COMMD10: variants seen among roughly 807,000 people sequenced by gnomAD.
COMMD10 encodes the protein COMM domain-containing protein 10.
A neutral mutation model predicts 28.9 loss-of-function variants in COMMD10; 33 were observed. That is an observed-to-expected ratio of 1.14 (90% CI 0.87 to 1.53). The LOEUF (loss-of-function observed/expected upper bound fraction) is 1.53, where lower values mean the gene tolerates loss of function less well. COMMD10 is among the 40% of genes most tolerant of loss of function. The pLI is 0.00. For synonymous variants in COMMD10, 110 were observed against 81.7 expected, an observed-to-expected ratio of 1.35 and a Z score of -1.87; for missense variants, 310 against 233.4, an observed-to-expected ratio of 1.33 and a Z score of -2.14.
rs1029523102 is a variant in COMMD10, at chr5:116,293,096, G to A, written c.*607G>A. Reference sequence around the variant, plus strand: ...AGTTTAATGATTTAATAATAGTCCAGGTTTTTGTGTGTTTTTCTTTATACT... The same window carrying A: ...AGTTTAATGATTTAATAATAGTCCAAGTTTTTGTGTGTTTTTCTTTATACT... On this transcript the variant is annotated 3_prime_UTR_variant, in exon 7 of 7. Coordinates refer to ENST00000274458, the MANE Select transcript of COMMD10 (RefSeq NM_016144.4). 2.5e-5 allele frequency: 10 copies of A among 396,520 alleles called. No individual in the cohort carries two copies. The highest frequency in any genetic ancestry group is 4.4e-5 in the Non-Finnish European group (10 of 224,818). The allele number at this position is 396,520 out of a possible 1,614,324, so 24.6% of individuals were successfully genotyped here.
At chr5:116,113,110 AGTT>A (rs947206377) in intron 4 of COMMD10, among the ~76,000 whole-genome samples, 1 of 152,136 alleles carries the variant, frequency 6.6e-6, no homozygotes, top group African/African-American at 2.4e-5. Flanking sequence ...CTTGGCTGAC[AGTT>A]GTTTTCTTTC....
chr5:116,270,010 A>G (rs1326407359), intron 5 of COMMD10, among the ~76,000 whole-genome samples: 3 of 149,032 alleles, frequency 2.0e-5, no homozygotes, highest in Non-Finnish European at 3.0e-5. Flanking sequence ...TCTGACTTTC[A>G]AGCCTTCTAA....
At chr5:116,269,130 A>C (rs756525994) in intron 5 of COMMD10, among the ~76,000 whole-genome samples, 1 of 151,802 alleles carries the variant, frequency 6.6e-6, no homozygotes, top group East Asian at 1.9e-4. Flanking sequence ...ATGCTTAAAC[A>C]GAAAAAAAAT....
intron 4 of COMMD10, among the ~76,000 whole-genome samples, chr5:116,094,127 G>C (rs1340460636): frequency 1.3e-5 from 2 of 152,078 alleles, no homozygotes; most frequent in Non-Finnish European, 2.9e-5. Context: ...TTTTATGGCT[G>C]ACCTTCCTAA....
chr5:116,243,520 C>A (rs898667419), intron 5 of COMMD10, among the ~76,000 whole-genome samples: 1 of 152,084 alleles, frequency 6.6e-6, no homozygotes, highest in Non-Finnish European at 1.5e-5. Flanking sequence ...GAATATGATT[C>A]TCCAAGTATC....
chr5:116,261,143 C>G, intron 5 of COMMD10, among the ~76,000 whole-genome samples: 1 of 151,688 alleles, frequency 6.6e-6, no homozygotes, highest in East Asian at 1.9e-4. Context: ...AAACATATTT[C>G]AGGAAGAAAA....
In COMMD10 at chr5:116,087,572, A is replaced by G. The variant is rs772143963; in HGVS notation, c.117A>G (p.Gln39=). 6 of 1,606,560 alleles carry G rather than the reference A, an allele frequency of 3.7e-6. No homozygotes were observed. Among genetic ancestry groups the G allele is most frequent in the Middle Eastern group, 1.7e-4 (1 of 6,056 alleles). The part of the protein sequence containing the change: ...RFPRLLTRIL[Q]KLHLKAESSF... ...CACGGTTGCTCACTCGGATTCTTCA[A>G]AAACTTCACCTGAAGGTTTGTATTT... The change falls in exon 2 of 7, where the codon CAA becomes CAG. Residue 39 remains glutamine (Q), a synonymous_variant. Coordinates refer to ENST00000274458, the MANE Select transcript of COMMD10 (RefSeq NM_016144.4).
At chr5:116,229,194 T>C (rs1398832333) in intron 5 of COMMD10, among the ~76,000 whole-genome samples, 1 of 152,026 alleles carries the variant, frequency 6.6e-6, no homozygotes, top group Non-Finnish European at 1.5e-5. Context: ...AGATGAGGCA[T>C]TGAACTTGTA....
intron 5 of COMMD10, among the ~76,000 whole-genome samples, chr5:116,206,315 T>C (rs1447864355): frequency 1.3e-5 from 2 of 152,150 alleles, no homozygotes; most frequent in Non-Finnish European, 1.5e-5. Flanking sequence ...TCAACCCATA[T>C]GCACATTTAT....
At chr5:116,225,793 A>G (rs1290134663) in intron 5 of COMMD10, among the ~76,000 whole-genome samples, 9 of 151,706 alleles carry the variant, frequency 5.9e-5, no homozygotes, top group Non-Finnish European at 1.0e-4. Context: ...AAAGAATCAC[A>G]GATTCTAAAA....
At chr5:116,167,865 C>T (rs541505865) in intron 5 of COMMD10, among the ~76,000 whole-genome samples, 126 of 152,218 alleles carry the variant, frequency 8.3e-4, no homozygotes, top group African/African-American at 3.0e-3. Context: ...CTGGTACCAG[C>T]CACTGCAAAA....
intron 5 of COMMD10, among the ~76,000 whole-genome samples, chr5:116,186,224 A>C (rs1011021082): frequency 1.3e-5 from 2 of 152,110 alleles, no homozygotes; most frequent in Admixed American, 6.6e-5. Context: ...TTTTTAAACA[A>C]ATTGTTTATT....
intron 4 of COMMD10, among the ~76,000 whole-genome samples, chr5:116,113,635 G>T (rs79404901): frequency 0.072 from 10,978 of 151,534 alleles, 461 homozygotes; most frequent in Admixed American, 0.13. Flanking sequence ...TTAGTTCCAG[G>T]ATTTTTTTAA....
At chr5:116,241,673 C>T (rs999750976) in intron 5 of COMMD10, among the ~76,000 whole-genome samples, 6 of 151,518 alleles carry the variant, frequency 4.0e-5, no homozygotes, top group Non-Finnish European at 8.8e-5. Context: ...AGTGCAGTGG[C>T]GCAATCTCAG....
intron 5 of COMMD10, among the ~76,000 whole-genome samples, chr5:116,214,436 AATAAT>A (rs1166599109): frequency 6.6e-6 from 1 of 152,162 alleles, no homozygotes; most frequent in Non-Finnish European, 1.5e-5. Context: ...TGTTAATAAA[AATAAT>A]AGAATAAACA....
intron 4 of COMMD10, among the ~76,000 whole-genome samples, chr5:116,102,090 T>A (rs1480432875): frequency 6.6e-6 from 1 of 152,222 alleles, no homozygotes; most frequent in African/African-American, 2.4e-5. Flanking sequence ...TATTTTTATT[T>A]TTGTTTTCTG....
At chr5:116,195,212 T>C (rs1748478006) in intron 5 of COMMD10, among the ~76,000 whole-genome samples, 1 of 152,034 alleles carries the variant, frequency 6.6e-6, no homozygotes, top group African/African-American at 2.4e-5. Flanking sequence ...AACATAATAC[T>C]GAATGAGGAA....
chr5:116,205,736 C>G (rs72804884), intron 5 of COMMD10, among the ~76,000 whole-genome samples: 8,038 of 152,072 alleles, frequency 0.053, 295 homozygotes, highest in East Asian at 0.14. Flanking sequence ...CAAGATGGCG[C>G]CTTTTAAGAA....
At chr5:116,261,415 C>G (rs1033962845) in intron 5 of COMMD10, among the ~76,000 whole-genome samples, 5 of 151,520 alleles carry the variant, frequency 3.3e-5, no homozygotes, top group Admixed American at 6.6e-5. Context: ...GGTGGTCGTC[C>G]TCCTTATTTT....
Sources: allele counts gnomAD v4.1 joint callset (sites outside exome capture counted in the v4.1 genomes callset), GRCh38; gene constraint gnomAD v4.1.1; transcripts MANE v1.5; gene names NCBI Gene and HGNC (gene_info 2026-07-23, HGNC 2026-07-21).